The following WDR33 variants were observed in gnomAD, a reference collection of about 807,000 sequenced individuals.
WDR33 encodes the protein pre-mRNA 3' end processing protein WDR33.
WDR33 carries 47 observed loss-of-function variants against 164.9 expected under a neutral mutation model. That is an observed-to-expected ratio of 0.29 (90% CI 0.23 to 0.36). The LOEUF (loss-of-function observed/expected upper bound fraction) is 0.36. Among genes scored for constraint, WDR33 ranks in the 10% least tolerant of loss-of-function variants. The pLI, the probability that WDR33 is intolerant of heterozygous loss-of-function variation, is 1.00. For synonymous variants in WDR33, 505 were observed against 589.0 expected (o/e 0.86, Z 2.06); for missense variants, 1,137 against 1,754.1 (o/e 0.65, Z 6.28).
At position 127,735,821 on chromosome 2, in the gene WDR33, T is replaced by C. The variant is rs961927993; in HGVS notation, c.725-9044A>G. 7 of 985,322 alleles carry C rather than the reference T, an allele frequency of 7.1e-6. No homozygotes were observed. The highest frequency in any genetic ancestry group is 8.4e-6 in the Non-Finnish European group (7 of 829,928). The allele number at this position is 985,322 out of a possible 1,614,324, so 61.0% of individuals were successfully genotyped here. A position where few individuals can be genotyped will look rare whatever the true frequency, so the allele number is the denominator to read the frequency against. On this transcript the variant is annotated intron_variant, in intron 7 of 21. Transcript: ENST00000322313. This position sits in a 1 kb window ranked among gnomAD's most constrained non-coding sequence, Gnocchi z 4.3. The stretch of plus-strand genomic sequence containing the variant: ...TTATTAGTATTTTACCTTCCTTTAA[T>C]GCAAAATGATTTCACCACAACCCAA...
chr2:127,766,542 C>T (rs934092278), intron 4 of WDR33, among the ~76,000 whole-genome samples: 1 of 152,064 alleles, frequency 6.6e-6, no homozygotes, highest in Admixed American at 6.6e-5. Context: ...TTGACTGTGC[C>T]TCTACTATGT....
chr2:127,770,555 G>T lies in WDR33; in HGVS notation c.204+223C>A, dbSNP rs966247638. On this transcript the variant is annotated intron_variant, in intron 2 of 21. Coordinates refer to ENST00000322313, the MANE Select transcript of WDR33 (RefSeq NM_018383.5). This position sits in a 1 kb window ranked among gnomAD's most constrained non-coding sequence, Gnocchi z 4.9. ...AAACTACAAAAATTAGCCGGGCATG[G>T]TAGCAGGTGCCTATAATCCCAGCTA... Among the ~76,000 whole-genome samples, 14 of 152,080 alleles carry T rather than the reference G, an allele frequency of 9.2e-5. No individual in the cohort carries two copies. Among genetic ancestry groups the T allele is most frequent in the Non-Finnish European group, 1.6e-4 (11 of 68,010 alleles).
At chr2:127,800,983 G>A (rs1243476147) in intron 1 of WDR33, among the ~76,000 whole-genome samples, 1 of 151,888 alleles carries the variant, frequency 6.6e-6, no homozygotes, top group African/African-American at 2.4e-5. Context: ...AAAACTTTAG[G>A]ATGGGCATAG....
At position 127,735,502 on chromosome 2, in the gene WDR33, T is replaced by A; in HGVS notation, c.725-8725A>T. On this transcript the variant is annotated intron_variant, in intron 7 of 21. Coordinates refer to ENST00000322313, the MANE Select transcript of WDR33 (RefSeq NM_018383.5). The surrounding 1 kb of genome is among the most constrained non-coding windows in gnomAD (Gnocchi z 4.3). ...TAAAAAAAATTCTTTTATACAAAAC[T>A]TATAAAAAGCACCAAGATTTTCTAA... The A allele has an allele frequency of 1.0e-6, 1 of 985,234 alleles. No homozygotes were observed. Among genetic ancestry groups the A allele is most frequent in the Non-Finnish European group, 1.2e-6 (1 of 829,426 alleles). 61.0% of individuals were successfully genotyped at this position (985,234 alleles called of 1,614,324 possible). A position where few individuals can be genotyped will look rare whatever the true frequency, so the allele number is the denominator to read the frequency against.
rs1686128650 is a variant in WDR33, at chr2:127,710,368, G to A, written c.3309-512C>T. ...ATGACATATAATCAGAAAAATGGGGGCACAGATCGTGTCTGCCAACCATAC... is the reference window on the plus strand; with the variant it reads ...ATGACATATAATCAGAAAAATGGGGACACAGATCGTGTCTGCCAACCATAC... On this transcript the variant is annotated intron_variant, in intron 18 of 21. Coordinates refer to ENST00000322313, the MANE Select transcript of WDR33 (RefSeq NM_018383.5). The surrounding 1 kb of genome is among the most constrained non-coding windows in gnomAD (Gnocchi z 4.4). Among the ~76,000 whole-genome samples the A allele has an allele frequency of 1.3e-5, 2 of 152,128 alleles. No individual in the cohort carries two copies. Among genetic ancestry groups the A allele is most frequent in the Non-Finnish European group, 2.9e-5 (2 of 68,030 alleles).
intron 1 of WDR33, among the ~76,000 whole-genome samples, chr2:127,792,560 C>A (rs1395935903): frequency 7.5e-6 from 1 of 133,392 alleles, no homozygotes; most frequent in Admixed American, 7.3e-5. Flanking sequence ...CCCAGCTACT[C>A]GGGAGGCTGA....
chr2:127,709,410 G>A lies in WDR33; in HGVS notation c.3565+80C>T, dbSNP rs1362664741. The A allele has an allele frequency of 1.3e-5, 18 of 1,389,570 alleles. No homozygotes were observed. The highest frequency in any genetic ancestry group is 1.8e-5 in the Non-Finnish European group (18 of 982,170). The allele number at this position is 1,389,570 out of a possible 1,614,324, so 86.1% of individuals were successfully genotyped here. A position where few individuals can be genotyped will look rare whatever the true frequency, so the allele number is the denominator to read the frequency against. Reference sequence around the variant, plus strand: ...ACATGAGCTGGAAAGAGGAGACCCGGTGCACCCCAGAGAGGGCCCTCAGAA... The same window carrying A: ...ACATGAGCTGGAAAGAGGAGACCCGATGCACCCCAGAGAGGGCCCTCAGAA... On this transcript the variant is annotated intron_variant, in intron 20 of 21. Transcript: ENST00000322313. This position sits in a 1 kb window ranked among gnomAD's most constrained non-coding sequence, Gnocchi z 5.0.
At chr2:127,779,102 C>T (rs1688287631) in intron 1 of WDR33, among the ~76,000 whole-genome samples, 1 of 151,242 alleles carries the variant, frequency 6.6e-6, no homozygotes, top group African/African-American at 2.4e-5. Context: ...TTCTTTAAAC[C>T]AGAAATCACA....
rs1685958164 is a variant in WDR33 at position 127,704,127 on chromosome 2, T to C, written c.*2196A>G. ...CAACAGCGAGACCTTGTCTCAAAAA[T>C]TTTTTCTCAAATCAAACATCATTGA... On this transcript the variant is annotated 3_prime_UTR_variant, in exon 22 of 22. Coordinates refer to ENST00000322313, the MANE Select transcript of WDR33 (RefSeq NM_018383.5). 1.2e-5 allele frequency: 2 copies of C among 166,260 alleles called. No individual in the cohort carries two copies. The highest frequency in any genetic ancestry group is 4.9e-5 in the African/African-American group (2 of 41,156). 10.3% of individuals were successfully genotyped at this position (166,260 alleles called of 1,614,324 possible). A position where few individuals can be genotyped will look rare whatever the true frequency, so the allele number is the denominator to read the frequency against.
rs568143475 is a variant in WDR33 at position 127,702,240 on chromosome 2, C to G, written c.*4083G>C. Reference sequence around the variant, plus strand: ...CAGCGCCGTCGGAGACCGCGCCGGCCGAGCTGAGGACTGCACGCCGCTGTG... The same window carrying G: ...CAGCGCCGTCGGAGACCGCGCCGGCGGAGCTGAGGACTGCACGCCGCTGTG... On this transcript the variant is annotated 3_prime_UTR_variant, in exon 22 of 22. Coordinates refer to ENST00000322313, the MANE Select transcript of WDR33 (RefSeq NM_018383.5). The G allele has an allele frequency of 1.1e-5, 13 of 1,181,892 alleles. No homozygotes were observed. In the South Asian group the frequency reaches 2.1e-4, roughly 19 times the overall value. The allele number at this position is 1,181,892 out of a possible 1,614,324, so 73.2% of individuals were successfully genotyped here. A position where few individuals can be genotyped will look rare whatever the true frequency, so the allele number is the denominator to read the frequency against.
chr2:127,738,184 TAAC>T lies in WDR33; in HGVS notation c.725-11410_725-11408del. On this transcript the variant is annotated intron_variant, in intron 7 of 21. Coordinates refer to ENST00000322313, the MANE Select transcript of WDR33 (RefSeq NM_018383.5). This position sits in a 1 kb window ranked among gnomAD's most constrained non-coding sequence, Gnocchi z 4.4. ...TTTTCTATTAATGAGTAATCTGAGATAACATATGCTCCAACTGGATCTTAACAA... is the reference window on the plus strand; with the variant it reads ...TTTTCTATTAATGAGTAATCTGAGATATATGCTCCAACTGGATCTTAACAA... 1.4e-6 allele frequency: 1 copy of T among 692,402 alleles called. No homozygotes were observed. Among genetic ancestry groups the T allele is most frequent in the Non-Finnish European group, 2.2e-6 (1 of 460,920 alleles). The allele number at this position is 692,402 out of a possible 1,614,324, so 42.9% of individuals were successfully genotyped here.
At chr2:127,711,334 A>G (rs1686155061) in intron 18 of WDR33, among the ~76,000 whole-genome samples, 1 of 151,670 alleles carries the variant, frequency 6.6e-6, no homozygotes, top group Non-Finnish European at 1.5e-5. Flanking sequence ...CTGAAGCACA[A>G]GAATCGCTTG....
At position 127,759,192 on chromosome 2, in the gene WDR33, AC is replaced by A. The variant is rs538906804; in HGVS notation, c.724+3869del. Among the ~76,000 whole-genome samples the A allele has an allele frequency of 4.9e-4, 75 of 152,356 alleles. 1 individual carries two copies. Among genetic ancestry groups the A allele is most frequent in the Admixed American group, 2.3e-3 (35 of 15,308 alleles). ...ACATCCTTTGTAATGGTGGACATAT[AC>A]ATAGTGCTTCTCAATGCTGCAGTAT... On this transcript the variant is annotated intron_variant, in intron 7 of 21. Transcript: ENST00000322313.
intron 1 of WDR33, 94 bp from the exon 2 acceptor site, chr2:127,771,098 CCT>C: frequency 1.1e-6 from 1 of 946,204 alleles, no homozygotes; most frequent in South Asian, 1.7e-5. Context: ...ATTTCTTTTC[CCT>C]TATCTAACGT....
chr2:127,744,920 T>C (rs977580879), intron 7 of WDR33, among the ~76,000 whole-genome samples: 8 of 152,198 alleles, frequency 5.3e-5, no homozygotes, highest in Admixed American at 5.2e-4. Context: ...TCACCATGCA[T>C]GACTGATGAA....
intron 1 of WDR33, among the ~76,000 whole-genome samples, chr2:127,786,053 TGA>T (rs1299984892): frequency 7.9e-5 from 12 of 152,216 alleles, no homozygotes; most frequent in Admixed American, 3.3e-4. Flanking sequence ...TTCTATTTTT[TGA>T]GAGAGTCTCC....
chr2:127,747,496 G>A (rs1302319074), intron 7 of WDR33, among the ~76,000 whole-genome samples: 1 of 151,584 alleles, frequency 6.6e-6, no homozygotes, highest in Non-Finnish European at 1.5e-5. Flanking sequence ...AAGATTTTGA[G>A]GTTCCCATGA....
chr2:127,808,967 T>C (rs1383942575), intron 1 of WDR33, among the ~76,000 whole-genome samples: 1 of 149,078 alleles, frequency 6.7e-6, no homozygotes, highest in East Asian at 2.0e-4. Context: ...GAGGCGGAGC[T>C]TGCAGCGAGC....
Position 127,708,515 on chromosome 2 carries a change from G to A in WDR33, c.3781+162C>T, listed in dbSNP as rs1686069687. Among the ~76,000 whole-genome samples, 2 of 152,272 alleles carry A rather than the reference G, an allele frequency of 1.3e-5. No homozygotes were observed. The highest frequency in any genetic ancestry group is 4.8e-5 in the African/African-American group (2 of 41,470). ...GGCAAGTGGAGTCCTGTGCAGGGCT[G>A]AGTTGCAGTCCACCAGATGACAGCT... On this transcript the variant is annotated intron_variant, in intron 21 of 21. Transcript: ENST00000322313. This position sits in a 1 kb window ranked among gnomAD's most constrained non-coding sequence, Gnocchi z 6.7.
Sources: gnomAD v4.1 joint callset for allele counts (sites outside exome capture counted in the v4.1 genomes callset) on GRCh38, gnomAD v4.1.1 for gene constraint, Gnocchi (gnomAD v3.1) non-coding constraint, MANE v1.5 for transcripts, NCBI Gene and HGNC (gene_info 2026-07-23, HGNC 2026-07-21) for gene names.